LRRIQ1: variants seen among roughly 807,000 people sequenced by gnomAD.
LRRIQ1 encodes leucine rich repeats and IQ motif containing 1, also known as leucine-rich repeat- and IQ domain-containing protein 1.
LRRIQ1 carries 210 observed loss-of-function variants against 211.9 expected under a neutral mutation model. That is an observed-to-expected ratio of 0.99 (90% CI 0.89 to 1.11). The LOEUF is 1.11. Among genes scored for constraint, LRRIQ1 ranks in the 50% most tolerant of loss-of-function variants. LRRIQ1 has a pLI of 0.00. For missense variants in LRRIQ1, 2,136 were observed against 1,939.5 expected, an observed-to-expected ratio of 1.10 and a Z score of -1.90; for synonymous variants, 699 against 650.1, an observed-to-expected ratio of 1.08 and a Z score of -1.14.
At chr12:85,236,030 A>G (rs1345377868) in intron 26 of LRRIQ1, among the ~76,000 whole-genome samples, 2 of 152,194 alleles carry the variant, frequency 1.3e-5, no homozygotes, top group African/African-American at 2.4e-5. Flanking sequence ...ACTCTGTACT[A>G]TAAAGATTGG....
intron 5 of LRRIQ1, 51 bp downstream of exon 5, chr12:85,046,188 A>G: frequency 9.1e-7 from 1 of 1,094,038 alleles, no homozygotes. Context: ...ATGATTGATC[A>G]TAGTTATTTA....
chr12:85,182,364 G>T (rs1402818699), intron 24 of LRRIQ1, among the ~76,000 whole-genome samples: 1 of 152,126 alleles, frequency 6.6e-6, no homozygotes, highest in Non-Finnish European at 1.5e-5. Context: ...ATTAGAAGGA[G>T]AGTAGACCCT....
At chr12:85,242,959 T>C (rs1450743453) in intron 26 of LRRIQ1, among the ~76,000 whole-genome samples, 1 of 151,818 alleles carries the variant, frequency 6.6e-6, no homozygotes, top group African/African-American at 2.4e-5. Flanking sequence ...AATATTTTCT[T>C]GACTGTAGGT....
chr12:85,245,390 C>T (rs1301635985), downstream of LRRIQ1, among the ~76,000 whole-genome samples: 2 of 150,916 alleles, frequency 1.3e-5, no homozygotes, highest in Admixed American at 6.7e-5. Flanking sequence ...ATTTCCATTG[C>T]ATATGTAAGA....
chr12:85,074,397 G>A (rs1012689429), intron 11 of LRRIQ1, among the ~76,000 whole-genome samples: 7 of 151,874 alleles, frequency 4.6e-5, no homozygotes, highest in Admixed American at 2.0e-4. Flanking sequence ...ATCATATCAT[G>A]GAAAATGGGG....
At chr12:85,213,180 CA>C (rs1006726463) in intron 24 of LRRIQ1, among the ~76,000 whole-genome samples, 11 of 150,404 alleles carry the variant, frequency 7.3e-5, no homozygotes, top group African/African-American at 2.4e-4. Flanking sequence ...ACAACAGCAA[CA>C]AAAAAAAGCT....
At chr12:85,155,091 C>T (rs1179632432) in intron 23 of LRRIQ1, among the ~76,000 whole-genome samples, 1 of 151,352 alleles carries the variant, frequency 6.6e-6, no homozygotes, top group Non-Finnish European at 1.5e-5. Context: ...TATTTATTGG[C>T]ACATCACTGA....
intron 1 of LRRIQ1, among the ~76,000 whole-genome samples, chr12:85,256,105 A>G (rs1896081290): frequency 6.6e-6 from 1 of 151,706 alleles, no homozygotes; most frequent in African/African-American, 2.4e-5. Context: ...ACTACAGAAT[A>G]ATGTTTACGG....
intron 19 of LRRIQ1, among the ~76,000 whole-genome samples, chr12:85,141,237 G>C (rs1317720226): frequency 6.6e-6 from 1 of 151,294 alleles, no homozygotes; most frequent in East Asian, 1.9e-4. Context: ...CTGTAGGTAA[G>C]TATATTGTTA....
Position 85,147,987 on chromosome 12 carries a change from G to T in LRRIQ1, c.4330-4293G>T, listed in dbSNP as rs11116729. Among the ~76,000 whole-genome samples, 564 of 151,772 alleles carry T rather than the reference G, an allele frequency of 3.7e-3. 4 individuals are homozygous for T. The highest frequency in any genetic ancestry group is 0.013 in the African/African-American group (529 of 41,464). ...CAGAAAGGCTGCAAATCCAAAACCA[G>T]AAGTGATGTCTCCAGATGAACACTG... On this transcript the variant is annotated intron_variant, in intron 19 of 26. Transcript: ENST00000393217.
At chr12:85,261,996 G>A (rs1896312573) in intron 1 of LRRIQ1, among the ~76,000 whole-genome samples, 1 of 151,934 alleles carries the variant, frequency 6.6e-6, no homozygotes, top group Admixed American at 6.6e-5. Context: ...CGCCATGTTG[G>A]TCAGGCTGGT....
At chr12:85,161,030 T>C (rs987029363) in intron 24 of LRRIQ1, among the ~76,000 whole-genome samples, 2 of 152,122 alleles carry the variant, frequency 1.3e-5, no homozygotes, top group African/African-American at 4.8e-5. Context: ...GACAGATATA[T>C]TAACTTGTAT....
intron 11 of LRRIQ1, among the ~76,000 whole-genome samples, chr12:85,095,950 G>A (rs1469873549): frequency 3.3e-5 from 5 of 151,954 alleles, no homozygotes; most frequent in Non-Finnish European, 7.4e-5. Context: ...GATGTGAATA[G>A]AATTATTTAT....
At chr12:85,193,387 G>T (rs1592949241) in intron 24 of LRRIQ1, among the ~76,000 whole-genome samples, 1 of 128,750 alleles carries the variant, frequency 7.8e-6, no homozygotes, top group African/African-American at 3.0e-5. Context: ...CACCAAAGTT[G>T]AAATGAAGGA....
chr12:85,142,622 A>T (rs1486353444), intron 19 of LRRIQ1, among the ~76,000 whole-genome samples: 4 of 150,792 alleles, frequency 2.7e-5, no homozygotes, highest in African/African-American at 7.3e-5. Flanking sequence ...CGCCACCACC[A>T]CCCCCACTGA....
At chr12:85,189,841 T>C (rs1318625510) in intron 24 of LRRIQ1, among the ~76,000 whole-genome samples, 2 of 145,388 alleles carry the variant, frequency 1.4e-5, no homozygotes, top group East Asian at 3.9e-4. Flanking sequence ...TAAATATTAT[T>C]GAATTATATA....
intron 24 of LRRIQ1, among the ~76,000 whole-genome samples, chr12:85,175,063 AT>A (rs1891624047): frequency 6.6e-6 from 1 of 152,278 alleles, no homozygotes; most frequent in African/African-American, 2.4e-5. Flanking sequence ...AGAAAACATT[AT>A]TTCCAACCTA....
chr12:85,188,929 G>C (rs1892356934), intron 24 of LRRIQ1, among the ~76,000 whole-genome samples: 1 of 152,094 alleles, frequency 6.6e-6, no homozygotes, highest in Admixed American at 6.6e-5. Context: ...AGGTTTTATA[G>C]ATGAAGAAAT....
At chr12:85,098,238 G>T (rs529940530) in intron 11 of LRRIQ1, 117 bp from the exon 12 acceptor site, 2 of 641,056 alleles carry the variant, frequency 3.1e-6, no homozygotes, top group East Asian at 5.9e-5. Context: ...GTCCTCACTT[G>T]TAATTAATGA....
Sources: gnomAD v4.1 joint callset for allele counts (sites outside exome capture counted in the v4.1 genomes callset) on GRCh38, gnomAD v4.1.1 for gene constraint, MANE v1.5 for transcripts, NCBI Gene and HGNC (gene_info 2026-07-23, HGNC 2026-07-21) for gene names.